The following ANKS1A variants were observed in gnomAD, a reference collection of about 807,000 sequenced individuals.
ANKS1A encodes the protein ankyrin repeat and SAM domain-containing protein 1A.
In ANKS1A, 55 loss-of-function variants were observed where a neutral mutation model predicts 120.3. That is an observed-to-expected ratio of 0.46 (90% CI 0.37 to 0.57). The LOEUF (loss-of-function observed/expected upper bound fraction) is 0.57, where lower values mean the gene tolerates loss of function less well. ANKS1A is among the 20% of genes least tolerant of loss of function. The pLI is 0.00. For synonymous variants in ANKS1A, 590 were observed against 604.7 expected (o/e 0.98, Z 0.36); for missense variants, 1,123 against 1,480.3 (o/e 0.76, Z 3.96).
In ANKS1A at chr6:35,057,466, G is replaced by T. The variant is rs536496898; in HGVS notation, c.2078-2681G>T. On this transcript the variant is annotated intron_variant, in intron 12 of 23. Coordinates refer to ENST00000360359, the MANE Select transcript of ANKS1A (RefSeq NM_015245.3). This position sits in a 1 kb window ranked among gnomAD's most constrained non-coding sequence, Gnocchi z 4.1. Reference sequence around the variant, plus strand: ...TGATGAGAACCCTCTCTTTTCCAGGGCTCATCTACAGCCTATTGGGATACC... The same window carrying T: ...TGATGAGAACCCTCTCTTTTCCAGGTCTCATCTACAGCCTATTGGGATACC... 4.1e-4 allele frequency among the ~76,000 whole-genome samples: 63 copies of T among 152,286 alleles called. 4 individuals are homozygous for T. The highest frequency in any genetic ancestry group is 1.4e-3 in the African/African-American group (60 of 41,564).
chr6:35,038,696 G>A (rs2127575418), intron 11 of ANKS1A, among the ~76,000 whole-genome samples: 1 of 152,138 alleles, frequency 6.6e-6, no homozygotes, highest in East Asian at 1.9e-4. Context: ...GTATTGCCCA[G>A]GCTGGTCTTG....
chr6:35,084,602 T>C lies in ANKS1A; in HGVS notation c.3132+344T>C, dbSNP rs553330576. Among the ~76,000 whole-genome samples the C allele has an allele frequency of 6.6e-6, 1 of 151,226 alleles. No homozygotes were observed. The highest frequency in any genetic ancestry group is 2.1e-4 in the South Asian group (1 of 4,740). On this transcript the variant is annotated intron_variant, in intron 21 of 23. Transcript: ENST00000360359. This position sits in a 1 kb window ranked among gnomAD's most constrained non-coding sequence, Gnocchi z 4.8. ...CTCAGCCTCCCACGTAACTGGATAA[T>C]AGGCGTGAGCCACCGCCCCTGACTT...
At chr6:34,996,239 C>A (rs1322760258) in intron 10 of ANKS1A, among the ~76,000 whole-genome samples, 1 of 152,046 alleles carries the variant, frequency 6.6e-6, no homozygotes, top group Non-Finnish European at 1.5e-5. Flanking sequence ...TCCTTAATAT[C>A]TAATTAAATG....
chr6:34,981,107 G>T (rs1037510206), intron 3 of ANKS1A, among the ~76,000 whole-genome samples: 5 of 152,188 alleles, frequency 3.3e-5, no homozygotes, highest in African/African-American at 9.7e-5. Flanking sequence ...CTGAGCCCGA[G>T]TGCCCCCTTT....
intron 1 of ANKS1A, among the ~76,000 whole-genome samples, chr6:34,893,299 ATTAT>A (rs909909431): frequency 2.6e-4 from 40 of 152,154 alleles, no homozygotes; most frequent in African/African-American, 6.5e-4. Context: ...TGCCAGACAC[ATTAT>A]TTATTTTTAT....
chr6:34,934,297 A>G (rs1204575522), intron 1 of ANKS1A, among the ~76,000 whole-genome samples: 13 of 152,148 alleles, frequency 8.5e-5, no homozygotes, highest in Admixed American at 7.9e-4. Flanking sequence ...ACAGGCGCCC[A>G]CCACCATGCC....
At position 35,059,993 on chromosome 6, in the gene ANKS1A, C is replaced by T. The variant is rs187081689; in HGVS notation, c.2078-154C>T. Among the ~76,000 whole-genome samples the T allele has an allele frequency of 4.5e-3, 686 of 152,266 alleles. 6 individuals are homozygous for T. The highest frequency in any genetic ancestry group is 0.027 in the Middle Eastern group (8 of 294). On this transcript the variant is annotated intron_variant, in intron 12 of 23. Transcript: ENST00000360359. ...TTGGCTGTACACAGAAGAGGAGCTG[C>T]GTGTCTGCTGCTCTCTGGTCTCTTG...
rs900729310 is a variant in ANKS1A, at chr6:35,050,857, C to T, written c.2011-3242C>T. On this transcript the variant is annotated intron_variant, in intron 11 of 23. Coordinates refer to ENST00000360359, the MANE Select transcript of ANKS1A (RefSeq NM_015245.3). The surrounding 1 kb of genome is among the most constrained non-coding windows in gnomAD (Gnocchi z 4.3). Reference sequence around the variant, plus strand: ...AGGTTCCAGTTGCTGAGGAAGGAGTCCAGGGTTACAGGCTGTGAGTCCATT... The same window carrying T: ...AGGTTCCAGTTGCTGAGGAAGGAGTTCAGGGTTACAGGCTGTGAGTCCATT... 2.6e-5 allele frequency among the ~76,000 whole-genome samples: 4 copies of T among 152,112 alleles called. No individual in the cohort carries two copies. Among genetic ancestry groups the T allele is most frequent in the African/African-American group, 4.8e-5 (2 of 41,414 alleles).
chr6:34,935,619 A>ATT (rs35692737), intron 1 of ANKS1A, among the ~76,000 whole-genome samples: 24,464 of 152,220 alleles, frequency 0.16, 2,602 homozygotes, highest in East Asian at 0.57. Context: ...AAGGCATAAC[A>ATT]TAAATTAATG....
chr6:35,062,401 G>A (rs1239892043), intron 13 of ANKS1A, among the ~76,000 whole-genome samples: 2 of 152,330 alleles, frequency 1.3e-5, no homozygotes, highest in Admixed American at 1.3e-4. Flanking sequence ...GAAGGGGAGC[G>A]TTTCTGTTAT....
At chr6:34,896,738 G>A (rs1282945756) in intron 1 of ANKS1A, among the ~76,000 whole-genome samples, 1 of 152,214 alleles carries the variant, frequency 6.6e-6, no homozygotes, top group African/African-American at 2.4e-5. Flanking sequence ...GCTGAGGCGG[G>A]TGGATCACCT....
At position 34,974,429 on chromosome 6, in the gene ANKS1A, C is replaced by T. The variant is rs1771450912; in HGVS notation, c.435+4263C>T. Among the ~76,000 whole-genome samples the T allele has an allele frequency of 4.8e-5, 6 of 125,222 alleles. No homozygotes were observed. The South Asian group carries it at 1.7e-3, about 35-fold the overall frequency. The allele number at this position is 125,222 out of a possible 152,430, so 82.2% of individuals were successfully genotyped here. ...TCCCCTTCCCCTTCCCTTCCCCTTT[C>T]CTTTCTTTCTTTCATTTTAAAAAGG... On this transcript the variant is annotated intron_variant, in intron 3 of 23. Coordinates refer to ENST00000360359, the MANE Select transcript of ANKS1A (RefSeq NM_015245.3).
chr6:34,951,440 T>G (rs1770089054), intron 1 of ANKS1A, among the ~76,000 whole-genome samples: 1 of 152,194 alleles, frequency 6.6e-6, no homozygotes, highest in South Asian at 2.1e-4. Flanking sequence ...GCAGCTAATA[T>G]GTGTCAAGTC....
intron 1 of ANKS1A, among the ~76,000 whole-genome samples, chr6:34,897,853 T>C (rs1228718405): frequency 6.6e-6 from 1 of 152,230 alleles, no homozygotes; most frequent in Non-Finnish European, 1.5e-5. Context: ...GTGATATTAT[T>C]ACCACTGATC....
At chr6:34,965,989 C>G (rs1016978932) in intron 1 of ANKS1A, among the ~76,000 whole-genome samples, 1 of 152,080 alleles carries the variant, frequency 6.6e-6, no homozygotes, top group Admixed American at 6.6e-5. Flanking sequence ...CTGATTGGCC[C>G]GCCTCAGCTT....
chr6:34,889,492 A>G lies in ANKS1A; in HGVS notation c.90A>G (p.Ser30=). The G allele has an allele frequency of 7.8e-7, 1 of 1,278,276 alleles. No homozygotes were observed. The highest frequency in any genetic ancestry group is 3.4e-5 in the South Asian group (1 of 29,488). 79.2% of individuals were successfully genotyped at this position (1,278,276 alleles called of 1,614,324 possible). The change falls in exon 1 of 24, where the codon TCA becomes TCG. Residue 30 remains serine, a synonymous_variant. Transcript: ENST00000360359. The surrounding 1 kb of genome is among the most constrained non-coding windows in gnomAD (Gnocchi z 5.5). Reference sequence around the variant, plus strand: ...TGCTGTCCGGGAAGCGGCTCTCCTCAGGCTTTGGGGGCGGCGGCGGCGGTG... The same window carrying G: ...TGCTGTCCGGGAAGCGGCTCTCCTCGGGCTTTGGGGGCGGCGGCGGCGGTG... ...EKLLSGKRLS[S]GFGGGGGGGS... is the part of the protein sequence containing the mutation.
downstream of ANKS1A, among the ~76,000 whole-genome samples, chr6:35,093,158 A>G (rs1778358398): frequency 6.6e-6 from 1 of 152,106 alleles, no homozygotes; most frequent in South Asian, 2.1e-4. Context: ...AGCCTCTACG[A>G]CTTTGAGACC....
chr6:34,906,159 CA>C (rs533155084), intron 1 of ANKS1A, among the ~76,000 whole-genome samples: 144 of 152,202 alleles, frequency 9.5e-4, no homozygotes, highest in African/African-American at 3.0e-3. Context: ...AAATGGGTGG[CA>C]GGGGGCAGTG....
At chr6:34,998,956 C>T (rs1223807840) in intron 10 of ANKS1A, among the ~76,000 whole-genome samples, 1 of 152,210 alleles carries the variant, frequency 6.6e-6, no homozygotes, top group Non-Finnish European at 1.5e-5. Context: ...CAAAGCAACG[C>T]GGATCCTGAG....
Sources: allele counts gnomAD v4.1 joint callset (sites outside exome capture counted in the v4.1 genomes callset), GRCh38; gene constraint gnomAD v4.1.1; non-coding constraint Gnocchi (gnomAD v3.1); transcripts MANE v1.5; gene names NCBI Gene and HGNC (gene_info 2026-07-23, HGNC 2026-07-21).